The following SDC2 variants were observed in gnomAD, a reference collection of about 807,000 sequenced individuals.
SDC2 encodes syndecan-2.
Under a neutral mutation model 22.2 loss-of-function variants are expected in SDC2, and 13 were observed. The ratio of observed to expected loss-of-function variants is 0.59; its 90% CI spans 0.38 to 0.93. SDC2 has a LOEUF of 0.93. Ranked by LOEUF, SDC2 falls within the 40% of genes least tolerant of loss-of-function variation. The pLI, the probability that SDC2 is intolerant of heterozygous loss-of-function variation, is 0.00. For synonymous variants in SDC2, 94 were observed against 92.8 expected, an observed-to-expected ratio of 1.01 and a Z score of -0.07; for missense variants, 235 against 246.8, an observed-to-expected ratio of 0.95 and a Z score of 0.32.
intron 1 of SDC2, among the ~76,000 whole-genome samples, chr8:96,536,998 G>A (rs1813765124): frequency 6.6e-6 from 1 of 152,180 alleles, no homozygotes; most frequent in Admixed American, 6.5e-5. Context: ...GCAGGCTTCA[G>A]TAAAATCAGC....
At chr8:96,543,310 TAGTC>T (rs1813882400) in intron 1 of SDC2, among the ~76,000 whole-genome samples, 1 of 152,212 alleles carries the variant, frequency 6.6e-6, no homozygotes, top group African/African-American at 2.4e-5. Flanking sequence ...AAAATGAACT[TAGTC>T]TGTTTAAAAT....
chr8:96,586,208 A>T (rs998935232), intron 1 of SDC2, among the ~76,000 whole-genome samples: 1 of 152,174 alleles, frequency 6.6e-6, no homozygotes, highest in Non-Finnish European at 1.5e-5. Flanking sequence ...CCAGCTTTTT[A>T]AAAAAGAGAC....
intron 1 of SDC2, among the ~76,000 whole-genome samples, chr8:96,570,618 G>A (rs2130581818): frequency 6.6e-6 from 1 of 152,292 alleles, no homozygotes; most frequent in Admixed American, 6.5e-5. Context: ...GCCACGAGGT[G>A]CATGTGTCCA....
chr8:96,594,254 G>A lies in SDC2; in HGVS notation c.172+663G>A, dbSNP rs1586320621. Among the ~76,000 whole-genome samples, 3 of 152,322 alleles carry A rather than the reference G, an allele frequency of 2.0e-5. 1 individual carries two copies. The highest frequency in any genetic ancestry group is 1.9e-4 in the East Asian group (1 of 5,182). On this transcript the variant is annotated intron_variant, in intron 2 of 4. Coordinates refer to ENST00000302190, the MANE Select transcript of SDC2 (RefSeq NM_002998.4). ...ACTTATTATTCTGTAGGTTGGTGAT[G>A]TAGGCTGGGCTGGCTGGGCTCCCTC...
intron 1 of SDC2, among the ~76,000 whole-genome samples, chr8:96,497,333 T>C (rs1013773139): frequency 6.6e-6 from 1 of 152,150 alleles, no homozygotes; most frequent in Non-Finnish European, 1.5e-5. Flanking sequence ...AAGGGCTCTT[T>C]CTCTCTTAGT....
rs568063292 is a variant in SDC2, at chr8:96,532,376, T to G, written c.60+38045T>G. ...GGGCACTAAGGAATAGGATTATTAT[T>G]ACCAGATGCCCCTGAGTCTCTCTGC... On this transcript the variant is annotated intron_variant, in intron 1 of 4. Transcript: ENST00000302190. Among the ~76,000 whole-genome samples, 179 of 145,488 alleles carry G rather than the reference T, an allele frequency of 1.2e-3. 1 individual carries two copies. Among genetic ancestry groups the G allele is most frequent in the African/African-American group, 4.6e-3 (176 of 38,500 alleles).
intron 1 of SDC2, among the ~76,000 whole-genome samples, chr8:96,520,148 A>G (rs993438531): frequency 5.3e-5 from 8 of 152,226 alleles, no homozygotes; most frequent in Admixed American, 2.6e-4. Flanking sequence ...CTGTAGTGAC[A>G]ACTTTTTACT....
chr8:96,568,331 G>T (rs934738898), intron 1 of SDC2, among the ~76,000 whole-genome samples: 1 of 152,202 alleles, frequency 6.6e-6, no homozygotes, highest in African/African-American at 2.4e-5. Flanking sequence ...AACAAAAGTG[G>T]GGAACAGCTT....
chr8:96,546,141 C>T (rs988941088), intron 1 of SDC2, among the ~76,000 whole-genome samples: 1 of 152,148 alleles, frequency 6.6e-6, no homozygotes, highest in Non-Finnish European at 1.5e-5. Flanking sequence ...CTCCTTAATC[C>T]ACCCCTCTAA....
intron 1 of SDC2, among the ~76,000 whole-genome samples, chr8:96,589,813 A>C (rs139632180): frequency 6.6e-6 from 1 of 152,322 alleles, no homozygotes; most frequent in Non-Finnish European, 1.5e-5. Flanking sequence ...CTCTGCATCG[A>C]ATGGCTTCAA....
At chr8:96,515,529 G>A (rs1341583791) in intron 1 of SDC2, among the ~76,000 whole-genome samples, 2 of 152,184 alleles carry the variant, frequency 1.3e-5, no homozygotes, top group African/African-American at 4.8e-5. Flanking sequence ...TTCCACTGTA[G>A]AGGGAAAATG....
At chr8:96,494,390 A>G in intron 1 of SDC2, 59 bp downstream of exon 1, 1 of 1,505,362 alleles carries the variant, frequency 6.6e-7, no homozygotes, top group Non-Finnish European at 8.9e-7. Context: ...CTACGAGAGG[A>G]GCCCGCAGGG....
chr8:96,578,845 G>T (rs1814545385), intron 1 of SDC2, among the ~76,000 whole-genome samples: 1 of 152,320 alleles, frequency 6.6e-6, no homozygotes, highest in Non-Finnish European at 1.5e-5. Flanking sequence ...TCTCTAATTT[G>T]AGGGGATGAT....
At position 96,609,597 on chromosome 8, in the gene SDC2, T is replaced by C. The variant is rs969915958; in HGVS notation, c.*49T>C. On this transcript the variant is annotated 3_prime_UTR_variant, in exon 5 of 5. Coordinates refer to ENST00000302190, the MANE Select transcript of SDC2 (RefSeq NM_002998.4). ...TATGAGATCACTGAACTTTTCAAAA[T>C]AAAGCTTTTGCATAGAATAATGAAG... is the stretch of plus-strand genomic sequence containing the variant. 5.2e-6 allele frequency: 7 copies of C among 1,337,666 alleles called. No homozygotes were observed. Among genetic ancestry groups the C allele is most frequent in the Non-Finnish European group, 7.0e-6 (7 of 997,564 alleles). The allele number at this position is 1,337,666 out of a possible 1,614,324, so 82.9% of individuals were successfully genotyped here. A position where few individuals can be genotyped will look rare whatever the true frequency, so the allele number is the denominator to read the frequency against.
At chr8:96,531,518 A>T (rs1021087080) in intron 1 of SDC2, among the ~76,000 whole-genome samples, 2 of 152,234 alleles carry the variant, frequency 1.3e-5, no homozygotes, top group East Asian at 1.9e-4. Context: ...GATTTAAAAA[A>T]TTTTATTTAC....
At chr8:96,555,328 G>A (rs1384208937) in intron 1 of SDC2, among the ~76,000 whole-genome samples, 4 of 152,098 alleles carry the variant, frequency 2.6e-5, no homozygotes, top group Admixed American at 1.3e-4. Context: ...TCAGCTGATC[G>A]TCTAGCACTT....
At chr8:96,508,327 A>AATG (rs1165488759) in intron 1 of SDC2, among the ~76,000 whole-genome samples, 119 of 105,748 alleles carry the variant, frequency 1.1e-3, no homozygotes, top group Middle Eastern at 9.3e-3. Flanking sequence ...TAATAATAAT[A>AATG]ATAATAATAA....
chr8:96,602,921 C>T (rs1191290567), intron 3 of SDC2, among the ~76,000 whole-genome samples: 1 of 152,176 alleles, frequency 6.6e-6, no homozygotes, highest in Non-Finnish European at 1.5e-5. Flanking sequence ...CTCCAGGTCA[C>T]GTCTTGAGGT....
chr8:96,507,973 C>A (rs1267842682), intron 1 of SDC2, among the ~76,000 whole-genome samples: 1 of 151,676 alleles, frequency 6.6e-6, no homozygotes, highest in African/African-American at 2.4e-5. Flanking sequence ...ACCAGCCTGG[C>A]CAACATGGTG....
Sources: gnomAD v4.1 joint callset for allele counts (sites outside exome capture counted in the v4.1 genomes callset) on GRCh38, gnomAD v4.1.1 for gene constraint, MANE v1.5 for transcripts, NCBI Gene and HGNC (gene_info 2026-07-23, HGNC 2026-07-21) for gene names.